The following UHMK1 variants were observed in gnomAD, a reference collection of about 807,000 sequenced individuals.
UHMK1 encodes serine/threonine-protein kinase Kist.
Under a neutral mutation model 44.0 loss-of-function variants are expected in UHMK1, and 18 were observed. That is an observed-to-expected ratio of 0.41 (90% CI 0.28 to 0.61). UHMK1 has a LOEUF of 0.61. Ranked by LOEUF, UHMK1 falls within the 20% of genes least tolerant of loss-of-function variation. The pLI is 0.31. For missense variants in UHMK1, 463 were observed against 522.5 expected (o/e 0.89, Z 1.11); for synonymous variants, 231 against 198.5 (o/e 1.16, Z -1.38).
chr1:162,528,975 C>T lies in UHMK1; in HGVS notation c.*6425C>T, dbSNP rs1308051227. 3 of 152,036 alleles carry T rather than the reference C, an allele frequency of 2.0e-5. No individual in the cohort carries two copies. The East Asian group carries it at 5.8e-4, about 29-fold the overall frequency. 9.4% of individuals were successfully genotyped at this position (152,036 alleles called of 1,614,324 possible). A position where few individuals can be genotyped will look rare whatever the true frequency, so the allele number is the denominator to read the frequency against. ...GAGTAGTTGGTTGTGAATATTAAAA[C>T]CTAGTACTATTTTCCCTCAGTAACA... On this transcript the variant is annotated 3_prime_UTR_variant, in exon 8 of 8. Coordinates refer to ENST00000489294, the MANE Select transcript of UHMK1 (RefSeq NM_175866.5).
chr1:162,526,704 C>T lies in UHMK1; in HGVS notation c.*4154C>T, dbSNP rs564961752. ...TATTCACTGTCTGCCTGGAAATAGC[C>T]TTGGTTTACCTTATTTTTTTGTATA... On this transcript the variant is annotated 3_prime_UTR_variant, in exon 8 of 8. Transcript: ENST00000489294. 6.6e-6 allele frequency: 1 copy of T among 151,946 alleles called. No individual in the cohort carries two copies. The highest frequency in any genetic ancestry group is 1.5e-5 in the Non-Finnish European group (1 of 67,954). 9.4% of individuals were successfully genotyped at this position (151,946 alleles called of 1,614,324 possible).
intron 3 of UHMK1, 61 bp from the exon 4 acceptor site, chr1:162,503,693 G>A: frequency 1.7e-6 from 2 of 1,146,852 alleles, no homozygotes; most frequent in Non-Finnish European, 2.6e-6. Context: ...AGTGCTATAT[G>A]CCTAGTATTC....
chr1:162,520,319 G>T (rs1305533849), intron 7 of UHMK1, among the ~76,000 whole-genome samples: 1 of 152,184 alleles, frequency 6.6e-6, no homozygotes, highest in Non-Finnish European at 1.5e-5. Flanking sequence ...AGTGATAATA[G>T]TTTTACATTT....
intron 4 of UHMK1, among the ~76,000 whole-genome samples, chr1:162,505,876 G>C (rs1651449522): frequency 6.6e-6 from 1 of 152,052 alleles, no homozygotes. Flanking sequence ...AGACTCACAG[G>C]ACTTTGCAAA....
rs1652134000 is a variant in UHMK1 at position 162,523,495 on chromosome 1, C to G, written c.*945C>G. On this transcript the variant is annotated 3_prime_UTR_variant, in exon 8 of 8. Coordinates refer to ENST00000489294, the MANE Select transcript of UHMK1 (RefSeq NM_175866.5). ...TTGTGCCAGATGTAAATCAACCCCT[C>G]TTTTAGTTTACTTTAGACTTTGTAT... The G allele has an allele frequency of 6.6e-6, 1 of 152,622 alleles. No individual in the cohort carries two copies. Among genetic ancestry groups the G allele is most frequent in the South Asian group, 2.1e-4 (1 of 4,830 alleles). 9.5% of individuals were successfully genotyped at this position (152,622 alleles called of 1,614,324 possible). A position where few individuals can be genotyped will look rare whatever the true frequency, so the allele number is the denominator to read the frequency against.
At chr1:162,522,209 T>C (rs556044788) in intron 7 of UHMK1, among the ~76,000 whole-genome samples, 195 bp from the exon 8 acceptor site, 22 of 152,306 alleles carry the variant, frequency 1.4e-4, no homozygotes, top group African/African-American at 5.1e-4. Flanking sequence ...TGAAGTATAG[T>C]TCATAGACCA....
rs1571002976 is a variant in UHMK1 at position 162,500,154 on chromosome 1, T to C, written c.468T>C (p.His156=). ...LAFLHHEGYV[H]ADLKPRNILW... ...TTCTTCATCATGAGGGCTATGTCCA[T>C]GCGGACCTCAAACCACGTAACATAT... The change falls in exon 2 of 8, where the codon CAT becomes CAC. Residue 156 remains histidine (H), a synonymous_variant. Coordinates refer to ENST00000489294, the MANE Select transcript of UHMK1 (RefSeq NM_175866.5). 6.2e-7 allele frequency: 1 copy of C among 1,614,244 alleles called. No homozygotes were observed. The highest frequency in any genetic ancestry group is 8.5e-7 in the Non-Finnish European group (1 of 1,180,044).
At chr1:162,520,463 G>A (rs1387670605) in intron 7 of UHMK1, among the ~76,000 whole-genome samples, 1 of 149,886 alleles carries the variant, frequency 6.7e-6, no homozygotes, top group Non-Finnish European at 1.5e-5. Context: ...TAAAAGTGTG[G>A]TGATAAGTGC....
chr1:162,497,765 A>AG, upstream of UHMK1: 1 of 1,085,820 alleles, frequency 9.2e-7, no homozygotes, highest in Non-Finnish European at 1.2e-6. Flanking sequence ...GCCCCTTCTG[A>AG]GCCCCCCCTC....
At chr1:162,518,051 A>G (rs754711538) in intron 6 of UHMK1, 51 bp from the exon 7 acceptor site, 1 of 1,308,248 alleles carries the variant, frequency 7.6e-7, no homozygotes, top group Admixed American at 1.8e-5. Context: ...AAAATGTTGA[A>G]TACTTGTTTA....
At chr1:162,507,160 C>T (rs1367527961) in intron 4 of UHMK1, among the ~76,000 whole-genome samples, 2 of 150,768 alleles carry the variant, frequency 1.3e-5, no homozygotes, top group African/African-American at 2.4e-5. Context: ...TTGCTCGTTG[C>T]CCAGGTTGGA....
upstream of UHMK1, chr1:162,497,324 C>T (rs1303594944): frequency 1.4e-6 from 1 of 701,384 alleles, no homozygotes. Context: ...CCCCCACTTC[C>T]CGTCATGGAC....
At chr1:162,502,563 T>G (rs1651310396) in intron 3 of UHMK1, among the ~76,000 whole-genome samples, 1 of 152,230 alleles carries the variant, frequency 6.6e-6, no homozygotes, top group African/African-American at 2.4e-5. Flanking sequence ...CCTTTTGGAC[T>G]ATATCTGCTT....
In UHMK1 at chr1:162,527,181, A is replaced by AC. The variant is rs1652278400; in HGVS notation, c.*4631_*4632insC. ...AGATTTTGTTTCATTTTGTTTTAGG[A>AC]TAGCTTCTCTGCCTAATACTATAGG... On this transcript the variant is annotated 3_prime_UTR_variant, in exon 8 of 8. Transcript: ENST00000489294. 1 of 152,162 alleles carries AC rather than the reference A, an allele frequency of 6.6e-6. No individual in the cohort carries two copies. The highest frequency in any genetic ancestry group is 2.4e-5 in the African/African-American group (1 of 41,544). The allele number at this position is 152,162 out of a possible 1,614,324, so 9.4% of individuals were successfully genotyped here.
At chr1:162,514,630 A>C (rs1199223038) in intron 6 of UHMK1, among the ~76,000 whole-genome samples, 1 of 152,188 alleles carries the variant, frequency 6.6e-6, no homozygotes, top group Non-Finnish European at 1.5e-5. Context: ...AGGAGAAATA[A>C]TTTGCAAGGA....
chr1:162,511,081 T>C (rs1054621562), intron 4 of UHMK1, among the ~76,000 whole-genome samples: 2 of 152,170 alleles, frequency 1.3e-5, no homozygotes, highest in African/African-American at 4.8e-5. Flanking sequence ...GCTATTTTTA[T>C]GTGTTCTTTT....
chr1:162,512,670 G>A, intron 5 of UHMK1, 55 bp from the exon 6 acceptor site: 2 of 1,606,360 alleles, frequency 1.2e-6, no homozygotes, highest in Non-Finnish European at 1.7e-6. Flanking sequence ...TTTATCTGGT[G>A]TTCAACTTAT....
chr1:162,500,839 G>T, intron 2 of UHMK1, 74 bp from the exon 3 acceptor site: 1 of 1,434,638 alleles, frequency 7.0e-7, no homozygotes, highest in Non-Finnish European at 9.4e-7. Context: ...TCTTAGGGAA[G>T]TAAATTCACT....
intron 7 of UHMK1, among the ~76,000 whole-genome samples, chr1:162,519,291 G>C (rs1651957739): frequency 6.8e-6 from 1 of 147,814 alleles, no homozygotes; most frequent in African/African-American, 2.5e-5. Context: ...ACTCCAGCCT[G>C]GGTGACAGAG....
Sources: gnomAD v4.1 joint callset for allele counts (sites outside exome capture counted in the v4.1 genomes callset) on GRCh38, gnomAD v4.1.1 for gene constraint, MANE v1.5 for transcripts, NCBI Gene and HGNC (gene_info 2026-07-23, HGNC 2026-07-21) for gene names.